The following CEP192 variants were observed in gnomAD, a reference collection of about 807,000 sequenced individuals.
The protein encoded by CEP192 is centrosomal protein of 192 kDa.
CEP192 carries 151 observed loss-of-function variants against 271.8 expected under a neutral mutation model. That is an observed-to-expected ratio of 0.56 (90% CI 0.49 to 0.64). The LOEUF is 0.64. Among genes scored for constraint, CEP192 ranks in the 30% least tolerant of loss-of-function variants. The probability of loss-of-function intolerance (pLI) is 0.00; values close to 1 mark genes in which losing one functional copy is unlikely to be tolerated. For synonymous variants in CEP192, 995 were observed against 1,076.5 expected (o/e 0.92, Z 1.48); for missense variants, 2,910 against 3,020.5 (o/e 0.96, Z 0.86).
intron 40 of CEP192, among the ~76,000 whole-genome samples, chr18:13,105,512 G>A (rs2039908449): frequency 6.6e-6 from 1 of 152,166 alleles, no homozygotes; most frequent in Admixed American, 6.5e-5. Flanking sequence ...CCCTTCAAAT[G>A]TCTCCTAATA....
chr18:13,094,433 G>T (rs1054876663), intron 34 of CEP192, among the ~76,000 whole-genome samples: 1 of 152,192 alleles, frequency 6.6e-6, no homozygotes. Flanking sequence ...TATTGGAGTG[G>T]ACTCTGGGTG....
chr18:13,013,428 A>G (rs1346576420), intron 5 of CEP192, among the ~76,000 whole-genome samples: 1 of 152,228 alleles, frequency 6.6e-6, no homozygotes, highest in African/African-American at 2.4e-5. Flanking sequence ...GTTAAATGAT[A>G]GAGAAGCTGT....
Position 13,049,560 on chromosome 18 carries a change from CTG to C in CEP192, c.2772_2773del (p.Cys924Ter), listed in dbSNP as rs1476419920. The C allele has an allele frequency of 1.9e-6, 3 of 1,613,704 alleles. No individual in the cohort carries two copies. The highest frequency in any genetic ancestry group is 2.7e-5 in the African/African-American group (2 of 74,792). On this transcript the variant is annotated frameshift_variant, in exon 16 of 45. Transcript: ENST00000506447. LOFTEE classifies it high-confidence loss of function. ...TAACATCCCTTTGTCTGTTAAAAGA[CTG>C]TGAAGAAATACGAGATAACAGAGAA... ...RITSLCLLKD[C>X]EEIRDNRENQ...
chr18:13,013,203 GGGTAGTGCTGGTGCCT>G (rs143199834), intron 5 of CEP192, among the ~76,000 whole-genome samples, 178 bp downstream of exon 5: 4,259 of 152,244 alleles, frequency 0.028, 180 homozygotes, highest in African/African-American at 0.095. Flanking sequence ...GAAGGTTCAG[GGGTAGTGCTGGTGCCT>G]GGGACTGTAT....
chr18:13,016,175 G>T (rs1343782886), intron 6 of CEP192, among the ~76,000 whole-genome samples: 1 of 152,150 alleles, frequency 6.6e-6, no homozygotes, highest in Non-Finnish European at 1.5e-5. Context: ...ATTATAGGGG[G>T]TGAGAAATTA....
At position 13,062,613 on chromosome 18, in the gene CEP192, A is replaced by T. The variant is rs529750407; in HGVS notation, c.4488+3301A>T. ...TTTATTTAAAAAATTTTTTGTGGGT[A>T]CCTAAATAGGTGTATATATTTATGG... is the stretch of plus-strand genomic sequence containing the variant. On this transcript the variant is annotated intron_variant, in intron 21 of 44. Coordinates refer to ENST00000506447, the MANE Select transcript of CEP192 (RefSeq NM_032142.4). Among the ~76,000 whole-genome samples, 21 of 151,060 alleles carry T rather than the reference A, an allele frequency of 1.4e-4. 1 individual carries two copies. The highest frequency in any genetic ancestry group is 5.1e-4 in the African/African-American group (21 of 41,062).
chr18:13,049,280 C>T lies in CEP192; in HGVS notation c.2489C>T (p.Thr830Ile), dbSNP rs143333023. 2.2e-4 allele frequency: 355 copies of T among 1,614,094 alleles called. No individual in the cohort carries two copies. The highest frequency in any genetic ancestry group is 2.8e-4 in the Non-Finnish European group (334 of 1,180,014). ...QDIHPVDLSA[T>I]SVSVRAPEEN... ...ATTCATCCGGTGGACTTAAGTGCTA[C>T]TAGTGTAAGTGTGAGGGCACCAGAA... is the stretch of plus-strand genomic sequence containing the variant. Residue 830 changes from threonine (T) to isoleucine (I), a missense_variant, in exon 16 of 45, where the codon ACT (threonine) becomes ATT (isoleucine). Coordinates refer to ENST00000506447, the MANE Select transcript of CEP192 (RefSeq NM_032142.4).
In CEP192 at chr18:13,049,058, A is replaced by C. The variant is rs766174061; in HGVS notation, c.2267A>C (p.Gln756Pro). ...RDKTFQEDEKQKDYSHVRHFL... is the reference protein window; with the variant it reads ...RDKTFQEDEKPKDYSHVRHFL... The stretch of plus-strand genomic sequence containing the variant: ...AAGACTTTTCAGGAAGATGAGAAAC[A>C]AAAGGACTATTCTCATGTGCGTCAT... Residue 756 changes from glutamine to proline, a missense_variant, in exon 16 of 45, where the codon CAA becomes CCA. Coordinates refer to ENST00000506447, the MANE Select transcript of CEP192 (RefSeq NM_032142.4). 1 of 1,614,120 alleles carries C rather than the reference A, an allele frequency of 6.2e-7. No homozygotes were observed.
chr18:13,083,291 C>T (rs2038722606), intron 30 of CEP192, among the ~76,000 whole-genome samples: 1 of 152,154 alleles, frequency 6.6e-6, no homozygotes, highest in Admixed American at 6.6e-5. Context: ...TCACATAGTC[C>T]CATATTTCTT....
At chr18:13,028,841 TAATGTTGGCAAAGCACCCAGTTAATA>T (rs535089862) in intron 9 of CEP192, among the ~76,000 whole-genome samples, 14 of 152,338 alleles carry the variant, frequency 9.2e-5, no homozygotes, top group Non-Finnish European at 1.8e-4. Context: ...TTTTATATAA[TAATGTTGGCAAAGCACCCAGTTAATA>T]AATGGTGGCA....
chr18:13,110,131 C>A (rs1318401485), intron 40 of CEP192, among the ~76,000 whole-genome samples: 4 of 152,132 alleles, frequency 2.6e-5, no homozygotes, highest in Admixed American at 1.3e-4. Flanking sequence ...AGATTTAGTG[C>A]ACAGTTGTAA....
At chr18:13,031,402 T>C (rs1378091752) in intron 11 of CEP192, among the ~76,000 whole-genome samples, 2 of 151,878 alleles carry the variant, frequency 1.3e-5, no homozygotes, top group Non-Finnish European at 2.9e-5. Flanking sequence ...CACCTGCCAC[T>C]ACGCCCGGCT....
chr18:13,115,803 G>A (rs2040401100), intron 42 of CEP192, among the ~76,000 whole-genome samples: 1 of 152,172 alleles, frequency 6.6e-6, no homozygotes, highest in African/African-American at 2.4e-5. Flanking sequence ...GCTATCCTGA[G>A]GGACCATTGT....
chr18:13,063,783 G>A (rs1373220189), intron 21 of CEP192, among the ~76,000 whole-genome samples: 2 of 150,156 alleles, frequency 1.3e-5, no homozygotes, highest in African/African-American at 4.9e-5. Flanking sequence ...TGCTCAAGAA[G>A]TCTTTGCCCA....
In CEP192 at chr18:13,049,690, C is replaced by CT. The variant is rs2036671525; in HGVS notation, c.2890+10dup. On this transcript the variant is annotated intron_variant, in intron 16 of 44. Coordinates refer to ENST00000506447, the MANE Select transcript of CEP192 (RefSeq NM_032142.4). ...CTCACCTAAAAATAGTGGTAAGTGT[C>CT]TGAGTCGTTGGTCACATTCATAAAA... is the stretch of plus-strand genomic sequence containing the variant. The CT allele has an allele frequency of 1.9e-6, 3 of 1,604,950 alleles. No homozygotes were observed. The highest frequency in any genetic ancestry group is 2.7e-5 in the African/African-American group (2 of 74,464).
chr18:13,042,484 CT>C (rs1389284920), intron 15 of CEP192, 150 bp downstream of exon 15: 2 of 789,682 alleles, frequency 2.5e-6, no homozygotes, highest in Non-Finnish European at 4.0e-6. Flanking sequence ...TTAAATTTTT[CT>C]TTTTAAGTTT....
intron 1 of CEP192, among the ~76,000 whole-genome samples, chr18:12,993,054 C>A (rs895395535): frequency 6.6e-6 from 1 of 152,078 alleles, no homozygotes; most frequent in Non-Finnish European, 1.5e-5. Flanking sequence ...TTGGGAGACT[C>A]GTGTGATAGT....
At chr18:13,008,056 A>G (rs920261224) in intron 3 of CEP192, among the ~76,000 whole-genome samples, 9 of 152,222 alleles carry the variant, frequency 5.9e-5, no homozygotes, top group African/African-American at 2.2e-4. Flanking sequence ...AAAAGTAAAA[A>G]CGATTGAAAC....
At chr18:13,053,666 C>T (rs1390602828) in intron 18 of CEP192, among the ~76,000 whole-genome samples, 1 of 152,080 alleles carries the variant, frequency 6.6e-6, no homozygotes, top group African/African-American at 2.4e-5. Flanking sequence ...TAGCAGGTCA[C>T]TGTCATGATC....
Sources: allele counts gnomAD v4.1 joint callset (sites outside exome capture counted in the v4.1 genomes callset), GRCh38; gene constraint gnomAD v4.1.1; transcripts MANE v1.5; gene names NCBI Gene and HGNC (gene_info 2026-07-23, HGNC 2026-07-21).